Variants in AFG2A observed in about 807,000 individuals in gnomAD.
The protein encoded by AFG2A is ATPase family gene 2 protein homolog A.
the AFG2A span, among the ~76,000 whole-genome samples, chr4:123,247,502 C>A: frequency 6.6e-6 from 1 of 151,894 alleles, no homozygotes; most frequent in South Asian, 2.1e-4. Context: ...CTCCCTAGGC[C>A]TCAACCTCCT....
the AFG2A span, among the ~76,000 whole-genome samples, chr4:123,192,320 G>A: frequency 0.014 from 2,121 of 151,982 alleles, 51 homozygotes; most frequent in African/African-American, 0.049. Flanking sequence ...AGCCACCACC[G>A]CTGCTAAAAT....
the AFG2A span, among the ~76,000 whole-genome samples, chr4:122,938,994 A>G: frequency 2.0e-5 from 3 of 151,876 alleles, no homozygotes; most frequent in Non-Finnish European, 4.4e-5. Context: ...AGAAAGTGAG[A>G]ATAATGCGAA....
chr4:123,103,188 C>CT, the AFG2A span, among the ~76,000 whole-genome samples: 1 of 151,944 alleles, frequency 6.6e-6, no homozygotes, highest in African/African-American at 2.4e-5. Context: ...ACTGGCTTTG[C>CT]TTTAAGAGAT....
chr4:122,947,480 A>G, the AFG2A span: 1 of 1,610,462 alleles, frequency 6.2e-7, no homozygotes, highest in Non-Finnish European at 8.5e-7. Flanking sequence ...GTCTTGTGTA[A>G]TGAAGCAGGT....
the AFG2A span, among the ~76,000 whole-genome samples, chr4:123,232,930 G>A: frequency 6.6e-6 from 1 of 152,114 alleles, no homozygotes; most frequent in African/African-American, 2.4e-5. Flanking sequence ...GTGCTTCGCA[G>A]TTCCTACAGG....
chr4:123,261,642 T>C, the AFG2A span, among the ~76,000 whole-genome samples: 1 of 152,096 alleles, frequency 6.6e-6, no homozygotes, highest in Non-Finnish European at 1.5e-5. Flanking sequence ...GACAACTATA[T>C]TCTTTCCTTA....
At chr4:123,136,183 A>G in the AFG2A span, among the ~76,000 whole-genome samples, 1 of 152,176 alleles carries the variant, frequency 6.6e-6, no homozygotes, top group African/African-American at 2.4e-5. Context: ...TGTGGGTTTT[A>G]TGATCACCCA....
chr4:123,168,575 A>T, the AFG2A span, among the ~76,000 whole-genome samples: 1 of 152,116 alleles, frequency 6.6e-6, no homozygotes, highest in South Asian at 2.1e-4. Flanking sequence ...TCTTTATAAA[A>T]AGGAAATGAT....
At chr4:123,226,937 G>T in the AFG2A span, among the ~76,000 whole-genome samples, 1 of 152,100 alleles carries the variant, frequency 6.6e-6, no homozygotes, top group African/African-American at 2.4e-5. Context: ...TTTTAGTCTT[G>T]GGAGGGTGTA....
chr4:123,186,150 G>C, the AFG2A span, among the ~76,000 whole-genome samples: 1 of 152,060 alleles, frequency 6.6e-6, no homozygotes, highest in African/African-American at 2.4e-5. Context: ...TTCATGATAA[G>C]GATATAATGA....
the AFG2A span, among the ~76,000 whole-genome samples, chr4:122,946,773 C>T: frequency 7.8e-4 from 118 of 151,938 alleles, no homozygotes; most frequent in Non-Finnish European, 1.4e-3. Context: ...AGTCTATAAG[C>T]GAAGACTTTT....
chr4:123,152,262 T>G, the AFG2A span, among the ~76,000 whole-genome samples: 1 of 152,182 alleles, frequency 6.6e-6, no homozygotes, highest in Admixed American at 6.5e-5. Flanking sequence ...GTAACAAACC[T>G]GCACATTCTG....
At chr4:123,269,083 T>A in the AFG2A span, among the ~76,000 whole-genome samples, 1 of 152,224 alleles carries the variant, frequency 6.6e-6, no homozygotes, top group South Asian at 2.1e-4. Flanking sequence ...AATCCAGAAC[T>A]GTTTCTCCAT....
chr4:123,165,703 G>C, the AFG2A span, among the ~76,000 whole-genome samples: 1 of 151,860 alleles, frequency 6.6e-6, no homozygotes, highest in South Asian at 2.1e-4. Context: ...ATTTCTCATT[G>C]ATATTTATGA....
chr4:123,222,898 A>G, the AFG2A span, among the ~76,000 whole-genome samples: 3 of 152,316 alleles, frequency 2.0e-5, no homozygotes, highest in African/African-American at 7.2e-5. Flanking sequence ...ATAATATACC[A>G]TCATATGTAT....
the AFG2A span, among the ~76,000 whole-genome samples, chr4:123,207,164 T>A: frequency 3.3e-5 from 5 of 152,296 alleles, no homozygotes; most frequent in East Asian, 1.9e-4. Flanking sequence ...AGCTACTAGG[T>A]CACTTCTGCA....
the AFG2A span, chr4:123,314,050 C>G: frequency 1.3e-6 from 2 of 1,583,328 alleles, no homozygotes; most frequent in Non-Finnish European, 1.7e-6. Flanking sequence ...GAAGAGTGGG[C>G]TGCATACACT....
the AFG2A span, among the ~76,000 whole-genome samples, chr4:123,105,111 G>C: frequency 1.8e-4 from 28 of 152,266 alleles, no homozygotes; most frequent in African/African-American, 6.3e-4. Context: ...GGGTGACTCT[G>C]TTGTTAGGGG....
the AFG2A span, among the ~76,000 whole-genome samples, chr4:123,005,657 C>T: frequency 9.2e-5 from 14 of 152,156 alleles, no homozygotes; most frequent in African/African-American, 2.9e-4. Flanking sequence ...ACTGCTTTAG[C>T]GGCATCACAC....
Sources: gnomAD v4.1 joint callset for allele counts (sites outside exome capture counted in the v4.1 genomes callset) on GRCh38, gnomAD v4.1.1 for gene constraint, MANE v1.5 for transcripts, NCBI Gene and HGNC (gene_info 2026-07-23, HGNC 2026-07-21) for gene names.